THSD7B: variants seen among roughly 807,000 people sequenced by gnomAD.
The protein encoded by THSD7B is thrombospondin type-1 domain-containing protein 7B.
THSD7B carries 138 observed loss-of-function variants against 213.6 expected under a neutral mutation model. That is an observed-to-expected ratio of 0.65 (90% CI 0.56 to 0.74). The LOEUF (loss-of-function observed/expected upper bound fraction) is 0.74. THSD7B is among the 30% of genes least tolerant of loss of function. The pLI is 0.00. For synonymous variants in THSD7B, 742 were observed against 687.0 expected (o/e 1.08, Z -1.25); for missense variants, 1,931 against 1,991.5 (o/e 0.97, Z 0.58).
At chr2:136,861,660 T>A (rs191518564) in intron 1 of THSD7B, among the ~76,000 whole-genome samples, 18 of 152,366 alleles carry the variant, frequency 1.2e-4, no homozygotes, top group Middle Eastern at 3.4e-3. Context: ...TGACTCTCCC[T>A]TTTTATCTTC....
At chr2:137,549,235 C>A (rs1446601265) in intron 15 of THSD7B, among the ~76,000 whole-genome samples, 3 of 150,068 alleles carry the variant, frequency 2.0e-5, no homozygotes, top group African/African-American at 7.4e-5. Context: ...CTGCTTTTAA[C>A]CCCACCTTAT....
intron 12 of THSD7B, among the ~76,000 whole-genome samples, chr2:137,376,645 C>A (rs2104957825): frequency 6.6e-6 from 1 of 152,284 alleles, no homozygotes; most frequent in African/African-American, 2.4e-5. Context: ...TTCTCTTGTA[C>A]ATGTACATAA....
chr2:137,405,995 A>G (rs1477162214), intron 13 of THSD7B, among the ~76,000 whole-genome samples, 188 bp downstream of exon 13: 1 of 152,238 alleles, frequency 6.6e-6, no homozygotes, highest in Non-Finnish European at 1.5e-5. Flanking sequence ...TGTTTCCGAA[A>G]TGAATGAAAG....
At chr2:136,823,309 A>G (rs1027738213) in intron 1 of THSD7B, among the ~76,000 whole-genome samples, 1 of 152,212 alleles carries the variant, frequency 6.6e-6, no homozygotes, top group Non-Finnish European at 1.5e-5. Context: ...TCCAGCTGCT[A>G]AAGAACAGTT....
chr2:137,226,035 CAT>C (rs981391651), intron 7 of THSD7B, among the ~76,000 whole-genome samples: 17 of 151,764 alleles, frequency 1.1e-4, no homozygotes, highest in African/African-American at 4.1e-4. Flanking sequence ...GAATTAAAAG[CAT>C]ATGAGTTCCA....
Position 137,343,143 on chromosome 2 carries a change from A to AGTTTT in THSD7B, c.2501-62467_2501-62463dup, listed in dbSNP as rs554986883. On this transcript the variant is annotated intron_variant, in intron 12 of 27. Transcript: ENST00000409968. ...CAGGTTTGTTTTATTTTTTTGCAAG[A>AGTTTT]GTTTTGTGTTTTTTTGTTGTTTTTG... Among the ~76,000 whole-genome samples, 4 of 145,822 alleles carry AGTTTT rather than the reference A, an allele frequency of 2.7e-5. No individual in the cohort carries two copies. The East Asian group carries it at 8.1e-4, about 30-fold the overall frequency.
At chr2:137,674,837 T>TGAGA (rs1375728665) in intron 27 of THSD7B, among the ~76,000 whole-genome samples, 1 of 152,186 alleles carries the variant, frequency 6.6e-6, no homozygotes, top group African/African-American at 2.4e-5. Context: ...TGGGGGGCAC[T>TGAGA]GAGAGAATCT....
intron 15 of THSD7B, among the ~76,000 whole-genome samples, chr2:137,550,637 G>A (rs1189026270): frequency 6.6e-6 from 1 of 152,108 alleles, no homozygotes; most frequent in African/African-American, 2.4e-5. Flanking sequence ...CTTGAAGGGA[G>A]TCAGGAAGCA....
At chr2:136,860,363 G>A (rs1344073659) in intron 1 of THSD7B, among the ~76,000 whole-genome samples, 1 of 152,050 alleles carries the variant, frequency 6.6e-6, no homozygotes, top group Admixed American at 6.6e-5. Context: ...TATGTCACCA[G>A]CCCAAGGCTG....
intron 1 of THSD7B, among the ~76,000 whole-genome samples, chr2:136,866,572 C>T (rs931265037): frequency 1.3e-5 from 2 of 152,160 alleles, no homozygotes; most frequent in Non-Finnish European, 2.9e-5. Context: ...CATTCCAAGA[C>T]TATTAGTTTA....
In THSD7B at chr2:136,883,791, C is replaced by T. The variant is rs1573687742; in HGVS notation, c.139+1474C>T. Among the ~76,000 whole-genome samples, 3 of 152,250 alleles carry T rather than the reference C, an allele frequency of 2.0e-5. No homozygotes were observed. In the South Asian group the frequency reaches 6.2e-4, roughly 32 times the overall value. ...ATGAATTTTTTTGGTAACTGTCAAA[C>T]TTAAGTTTCAGAAGTGAGGATCCTT... On this transcript the variant is annotated intron_variant, in intron 2 of 27. Transcript: ENST00000409968.
intron 15 of THSD7B, among the ~76,000 whole-genome samples, chr2:137,454,268 T>C (rs1558802178): frequency 6.6e-6 from 1 of 152,220 alleles, no homozygotes; most frequent in Non-Finnish European, 1.5e-5. Flanking sequence ...ACTTTATATC[T>C]TACCATGAGT....
At chr2:137,461,056 T>C (rs1293092985) in intron 15 of THSD7B, among the ~76,000 whole-genome samples, 1 of 152,166 alleles carries the variant, frequency 6.6e-6, no homozygotes, top group Non-Finnish European at 1.5e-5. Flanking sequence ...TTTAGTGCCT[T>C]ATTTCATTGT....
intron 1 of THSD7B, among the ~76,000 whole-genome samples, chr2:136,865,684 A>G (rs1683321092): frequency 6.6e-6 from 1 of 152,246 alleles, no homozygotes; most frequent in African/African-American, 2.4e-5. Flanking sequence ...TTAGAAAAAC[A>G]ATAGCATGTG....
chr2:136,806,424 A>G (rs188824196), intron 1 of THSD7B, among the ~76,000 whole-genome samples: 93 of 152,354 alleles, frequency 6.1e-4, no homozygotes, highest in African/African-American at 2.2e-3. Flanking sequence ...ATGATAATCC[A>G]TGAAATCTAT....
chr2:137,175,154 C>G (rs1052756772), intron 7 of THSD7B, among the ~76,000 whole-genome samples: 8 of 152,156 alleles, frequency 5.3e-5, no homozygotes, highest in African/African-American at 1.9e-4. Flanking sequence ...GCCCACAATG[C>G]AAAGTGGGCA....
chr2:137,348,781 A>G (rs1260016887), intron 12 of THSD7B, among the ~76,000 whole-genome samples: 1 of 144,750 alleles, frequency 6.9e-6, no homozygotes. Context: ...GTTTAACTTA[A>G]TGTTAAAGCC....
At chr2:137,604,884 C>T (rs1034550363) in intron 17 of THSD7B, among the ~76,000 whole-genome samples, 5 of 152,022 alleles carry the variant, frequency 3.3e-5, no homozygotes, top group Admixed American at 1.3e-4. Context: ...TTTATTATAT[C>T]CCAGTAGTAT....
intron 3 of THSD7B, among the ~76,000 whole-genome samples, chr2:137,068,449 A>G (rs1463108499): frequency 6.6e-6 from 1 of 152,100 alleles, no homozygotes; most frequent in Non-Finnish European, 1.5e-5. Flanking sequence ...TTCATTGCCA[A>G]AAACAAAAAT....
Sources: gnomAD v4.1 joint callset for allele counts (sites outside exome capture counted in the v4.1 genomes callset) on GRCh38, gnomAD v4.1.1 for gene constraint, MANE v1.5 for transcripts, NCBI Gene and HGNC (gene_info 2026-07-23, HGNC 2026-07-21) for gene names.